The following ZNF609 variants were observed in gnomAD, a reference collection of about 807,000 sequenced individuals.
ZNF609 encodes zinc finger protein 609.
Under a neutral mutation model 109.5 loss-of-function variants are expected in ZNF609, and 11 were observed. The ratio of observed to expected loss-of-function variants is 0.10; its 90% CI spans 0.06 to 0.17. ZNF609 has a LOEUF of 0.17. Among genes scored for constraint, ZNF609 ranks in the 10% least tolerant of loss-of-function variants. The pLI is 1.00. For missense variants in ZNF609, 1,559 were observed against 1,772.4 expected, an observed-to-expected ratio of 0.88 and a Z score of 2.16; for synonymous variants, 646 against 662.0, an observed-to-expected ratio of 0.98 and a Z score of 0.37.
At chr15:64,563,690 A>C (rs999973435) in intron 2 of ZNF609, among the ~76,000 whole-genome samples, 2 of 151,926 alleles carry the variant, frequency 1.3e-5, no homozygotes, top group African/African-American at 4.8e-5. Context: ...GCAGGAGAAT[A>C]GCTTGAACCT....
intron 3 of ZNF609, among the ~76,000 whole-genome samples, chr15:64,642,990 TTCTCTACA>T (rs1174144002): frequency 6.6e-6 from 1 of 152,192 alleles, no homozygotes; most frequent in Admixed American, 6.5e-5. Context: ...TATTTACCCT[TTCTCTACA>T]TCTCTGGTTT....
rs1006751132 is a variant in ZNF609, at chr15:64,500,427, T to C, written c.747+261T>C. 8.7e-5 allele frequency: 61 copies of C among 700,866 alleles called. No homozygotes were observed. In the Admixed American group the frequency reaches 1.2e-3, roughly 14 times the overall value. The allele number at this position is 700,866 out of a possible 1,614,324, so 43.4% of individuals were successfully genotyped here. A position where few individuals can be genotyped will look rare whatever the true frequency, so the allele number is the denominator to read the frequency against. ...CAGCTACTTTGTAGAATGAACTTTC[T>C]GTAGTCTGAGTTGAGACCTTCCCAC... On this transcript the variant is annotated intron_variant, in intron 2 of 9. Coordinates refer to ENST00000326648, the MANE Select transcript of ZNF609 (RefSeq NM_015042.2).
At chr15:64,654,538 C>A (rs1216002785) in intron 3 of ZNF609, 2 of 152,104 alleles carry the variant, frequency 1.3e-5, no homozygotes, top group Admixed American at 6.6e-5. Flanking sequence ...TGGCCTCAAG[C>A]AATCCTTCCA....
intron 2 of ZNF609, among the ~76,000 whole-genome samples, chr15:64,560,366 G>GT (rs540792035): frequency 3.9e-4 from 56 of 144,884 alleles, no homozygotes; most frequent in East Asian, 1.4e-3. Flanking sequence ...TTTTTAATTT[G>GT]TTTTTTTTTT....
At chr15:64,660,441 ATACAGTTTTATTGAAAC>A (rs1193750311) in intron 3 of ZNF609, among the ~76,000 whole-genome samples, 1 of 150,492 alleles carries the variant, frequency 6.6e-6, no homozygotes, top group African/African-American at 2.5e-5. Context: ...GGTTTTTATA[ATACAGTTTTATTGAAAC>A]ACAACTATGC....
intron 2 of ZNF609, among the ~76,000 whole-genome samples, chr15:64,532,304 A>G (rs1318197657): frequency 3.3e-5 from 5 of 152,096 alleles, no homozygotes; most frequent in Admixed American, 1.3e-4. Flanking sequence ...TTAATTTACT[A>G]TGTGTATACT....
At chr15:64,623,700 CT>C (rs1401702373) in intron 3 of ZNF609, among the ~76,000 whole-genome samples, 3 of 152,112 alleles carry the variant, frequency 2.0e-5, no homozygotes, top group African/African-American at 7.2e-5. Context: ...CCACTTGCCC[CT>C]GAGAACGGAA....
chr15:64,490,784 A>T (rs1161337529), intron 1 of ZNF609, among the ~76,000 whole-genome samples: 3 of 152,226 alleles, frequency 2.0e-5, no homozygotes, highest in Non-Finnish European at 4.4e-5. Flanking sequence ...AGTGACAAAC[A>T]ACAAGGATCT....
intron 1 of ZNF609, among the ~76,000 whole-genome samples, chr15:64,469,687 T>G (rs1484238526): frequency 6.6e-6 from 1 of 152,084 alleles, no homozygotes; most frequent in Non-Finnish European, 1.5e-5. Context: ...TTGCCGCATA[T>G]ATCTTTTTCT....
At chr15:64,497,698 GT>G (rs1239977291) in intron 1 of ZNF609, among the ~76,000 whole-genome samples, 1 of 151,904 alleles carries the variant, frequency 6.6e-6, no homozygotes, top group Non-Finnish European at 1.5e-5. Context: ...GGTCCAGGAG[GT>G]TGAGACCAGC....
intron 3 of ZNF609, among the ~76,000 whole-genome samples, chr15:64,648,471 G>A (rs990973500): frequency 2.0e-5 from 3 of 152,094 alleles, no homozygotes; most frequent in African/African-American, 4.8e-5. Flanking sequence ...CAGCCTGGGC[G>A]ACAGAGTGAG....
intron 2 of ZNF609, among the ~76,000 whole-genome samples, chr15:64,550,707 A>T (rs989904371): frequency 6.6e-6 from 1 of 152,068 alleles, no homozygotes; most frequent in East Asian, 1.9e-4. Context: ...GTGGTGGCAC[A>T]TGCCTGTAAT....
intron 2 of ZNF609, among the ~76,000 whole-genome samples, chr15:64,543,478 C>T (rs959797498): frequency 6.7e-6 from 1 of 149,536 alleles, no homozygotes; most frequent in Non-Finnish European, 1.5e-5. Context: ...GAGCCTCCCT[C>T]TGTTGCCCAG....
chr15:64,582,363 C>A (rs1265529218), intron 2 of ZNF609, among the ~76,000 whole-genome samples: 3 of 152,200 alleles, frequency 2.0e-5, no homozygotes, highest in Non-Finnish European at 4.4e-5. Flanking sequence ...ATTTCAGTAT[C>A]AAGCATGCTA....
chr15:64,614,813 T>TTC (rs1243691027), intron 2 of ZNF609, among the ~76,000 whole-genome samples: 1 of 21,298 alleles, frequency 4.7e-5, no homozygotes, highest in African/African-American at 7.6e-5. Flanking sequence ...CATCTCGCTT[T>TTC]TTTTTTTTTT....
chr15:64,520,449 G>A (rs1017152978), intron 2 of ZNF609, among the ~76,000 whole-genome samples: 2 of 152,148 alleles, frequency 1.3e-5, no homozygotes, highest in African/African-American at 4.8e-5. Context: ...AAAATGCAGA[G>A]TTGTACATAT....
At chr15:64,523,620 A>G (rs7165562) in intron 2 of ZNF609, among the ~76,000 whole-genome samples, 13,574 of 152,068 alleles carry the variant, frequency 0.089, 1,218 homozygotes, top group African/African-American at 0.23. Context: ...AAAATTAGCC[A>G]GATGTGGTGA....
chr15:64,602,207 A>G (rs1406420631), intron 2 of ZNF609, among the ~76,000 whole-genome samples: 1 of 152,126 alleles, frequency 6.6e-6, no homozygotes, highest in Non-Finnish European at 1.5e-5. Context: ...ATTTAACACT[A>G]GCCCATTTTC....
chr15:64,564,307 G>A (rs1256426380), intron 2 of ZNF609, among the ~76,000 whole-genome samples: 1 of 152,028 alleles, frequency 6.6e-6, no homozygotes, highest in Non-Finnish European at 1.5e-5. Flanking sequence ...AGGGTAGGGG[G>A]GACTACTGTA....
Sources: allele counts gnomAD v4.1 joint callset (sites outside exome capture counted in the v4.1 genomes callset), GRCh38; gene constraint gnomAD v4.1.1; transcripts MANE v1.5; gene names NCBI Gene and HGNC (gene_info 2026-07-23, HGNC 2026-07-21).